Variants in PRPF4 observed in about 807,000 individuals in gnomAD.
PRPF4 encodes pre-mRNA splicing tri-snRNP complex factor PRPF4.
A neutral mutation model predicts 72.2 loss-of-function variants in PRPF4; 14 were observed. The observed-to-expected ratio is 0.19, with a 90% CI of 0.13 to 0.30. The LOEUF (loss-of-function observed/expected upper bound fraction) is 0.30, where lower values mean the gene tolerates loss of function less well. Ranked by LOEUF, PRPF4 falls within the 10% of genes least tolerant of loss-of-function variation. The probability of loss-of-function intolerance (pLI) is 1.00; values close to 1 mark genes in which losing one functional copy is unlikely to be tolerated. For missense variants in PRPF4, 478 were observed against 653.9 expected, an observed-to-expected ratio of 0.73 and a Z score of 2.93; for synonymous variants, 225 against 232.2, an observed-to-expected ratio of 0.97 and a Z score of 0.28.
At chr9:113,285,464 C>T (rs1413421834) in intron 7 of PRPF4, among the ~76,000 whole-genome samples, 3 of 141,790 alleles carry the variant, frequency 2.1e-5, no homozygotes, top group Non-Finnish European at 1.5e-5. Context: ...CTGCAAGCTC[C>T]ACCTCCTGGG....
chr9:113,288,813 T>C (rs1832526767), intron 10 of PRPF4, among the ~76,000 whole-genome samples: 1 of 152,214 alleles, frequency 6.6e-6, no homozygotes, highest in Non-Finnish European at 1.5e-5. Flanking sequence ...TTCACTCTTG[T>C]CCAATGCTAC....
chr9:113,283,327 G>A (rs1381633736), intron 5 of PRPF4, 62 bp from the exon 6 acceptor site: 1 of 1,613,012 alleles, frequency 6.2e-7, no homozygotes, highest in Non-Finnish European at 8.5e-7. Context: ...GTAGAGTAGG[G>A]ATACATGTGG....
chr9:113,283,080 G>GTT (rs1485271733), intron 4 of PRPF4, 52 bp from the exon 5 acceptor site: 35 of 1,612,246 alleles, frequency 2.2e-5, no homozygotes, highest in Non-Finnish European at 2.9e-5. Flanking sequence ...ACAGTTATAA[G>GTT]AGGAGTAGAA....
chr9:113,288,561 C>T (rs1004734939), intron 10 of PRPF4, among the ~76,000 whole-genome samples: 4 of 151,966 alleles, frequency 2.6e-5, no homozygotes, highest in African/African-American at 9.7e-5. Flanking sequence ...CTCGACCTCC[C>T]GAGTAGCTGG....
At chr9:113,278,459 C>T (rs1189141822) in intron 2 of PRPF4, among the ~76,000 whole-genome samples, 1 of 152,206 alleles carries the variant, frequency 6.6e-6, no homozygotes, top group African/African-American at 2.4e-5. Flanking sequence ...GGTTTCAAAA[C>T]TATTGCTAGA....
Position 113,291,771 on chromosome 9 carries a change from C to T in PRPF4, c.*111C>T, listed in dbSNP as rs1437464153. ...ATCATGTTTTCTGCCAATTACCATG[C>T]ATAGACCCTCAGTAGAATTGGATTT... On this transcript the variant is annotated 3_prime_UTR_variant, in exon 14 of 14. Transcript: ENST00000374198. The T allele has an allele frequency of 4.7e-6, 5 of 1,057,240 alleles. No individual in the cohort carries two copies. The highest frequency in any genetic ancestry group is 5.2e-5 in the Admixed American group (2 of 38,662). 65.5% of individuals were successfully genotyped at this position (1,057,240 alleles called of 1,614,324 possible).
rs778147972 is a variant in PRPF4, at chr9:113,283,363, CTGGTGATGG to C, written c.561-23_561-15del. 4 of 1,613,886 alleles carry C rather than the reference CTGGTGATGG, an allele frequency of 2.5e-6. No homozygotes were observed. Among genetic ancestry groups the C allele is most frequent in the Non-Finnish European group, 3.4e-6 (4 of 1,179,886 alleles). On this transcript the variant is annotated splice_polypyrimidine_tract_variant and intron_variant, in intron 5 of 13. Coordinates refer to ENST00000374198, the MANE Select transcript of PRPF4 (RefSeq NM_001244926.2). ...GTCCTTGTTTACAACCCTGTTGCTC[CTGGTGATGG>C]TGTTTCTGTGTCGCAGGGCAATGAA...
At position 113,283,487 on chromosome 9, in the gene PRPF4, G is replaced by C. The variant is rs1832345409; in HGVS notation, c.654+5G>C. The C allele has an allele frequency of 6.2e-7, 1 of 1,613,576 alleles. No homozygotes were observed. Among genetic ancestry groups the C allele is most frequent in the Non-Finnish European group, 8.5e-7 (1 of 1,179,728 alleles). ...GAGCTGCACAAGTCTCTCCGGGTAA[G>C]ATGCTCCCAGCAATTGTCCCACATC... On this transcript the variant is annotated splice_donor_5th_base_variant and intron_variant, in intron 6 of 13. Transcript: ENST00000374198.
Position 113,282,494 on chromosome 9 carries a change from T to C in PRPF4, c.393-152T>C, listed in dbSNP as rs111701300. 3.1e-3 allele frequency: 1,673 copies of C among 541,300 alleles called. 30 individuals are homozygous for C. The highest frequency in any genetic ancestry group is 0.029 in the African/African-American group (1,499 of 51,836). 33.5% of individuals were successfully genotyped at this position (541,300 alleles called of 1,614,324 possible). A position where few individuals can be genotyped will look rare whatever the true frequency, so the allele number is the denominator to read the frequency against. ...CTTAAAAAGAAAAAAAAAAGGTTGC[T>C]AGGTGGTTTGAACAGTGAGAGAATA... On this transcript the variant is annotated intron_variant, in intron 3 of 13. Transcript: ENST00000374198.
rs746141017 is a variant in PRPF4 at position 113,286,304 on chromosome 9, T to A, written c.808+14T>A. The A allele has an allele frequency of 1.4e-5, 23 of 1,600,728 alleles. No individual in the cohort carries two copies. In the East Asian group the frequency reaches 5.1e-4, roughly 36 times the overall value. On this transcript the variant is annotated intron_variant, in intron 8 of 13. Transcript: ENST00000374198. The stretch of plus-strand genomic sequence containing the variant: ...ACACTCTTCGAGGTAAGTTAGAGTC[T>A]TATCCAAATCTCGGTCTTTTTCCCA...
chr9:113,284,467 G>C, intron 7 of PRPF4, 78 bp downstream of exon 7: 3 of 1,223,000 alleles, frequency 2.5e-6, no homozygotes, highest in Non-Finnish European at 3.6e-6. Flanking sequence ...TGCGTTAGAC[G>C]TCTATTTCTA....
At position 113,284,453 on chromosome 9, in the gene PRPF4, C is replaced by T. The variant is rs1832375908; in HGVS notation, c.749+64C>T. ...GGAACAGGCTCAGGAAGAAAATTAG[C>T]ATTTGCGTTAGACGTCTATTTCTAC... On this transcript the variant is annotated intron_variant, in intron 7 of 13. Coordinates refer to ENST00000374198, the MANE Select transcript of PRPF4 (RefSeq NM_001244926.2). 3 of 1,361,802 alleles carry T rather than the reference C, an allele frequency of 2.2e-6. No homozygotes were observed. In the African/African-American group the frequency reaches 4.3e-5, roughly 20 times the overall value. 84.4% of individuals were successfully genotyped at this position (1,361,802 alleles called of 1,614,324 possible).
chr9:113,276,815 A>T, intron 2 of PRPF4, 90 bp downstream of exon 2: 4 of 1,434,338 alleles, frequency 2.8e-6, no homozygotes, highest in Non-Finnish European at 3.8e-6. Context: ...ATGTCAAAAA[A>T]TTACAATTTT....
At chr9:113,281,000 C>G (rs1832264251) in intron 3 of PRPF4, among the ~76,000 whole-genome samples, 1 of 152,132 alleles carries the variant, frequency 6.6e-6, no homozygotes, top group Non-Finnish European at 1.5e-5. Flanking sequence ...GCCACCATGC[C>G]TGGCTAATTT....
At position 113,291,797 on chromosome 9, in the gene PRPF4, C is replaced by G; in HGVS notation, c.*137C>G. 3.4e-6 allele frequency: 3 copies of G among 877,740 alleles called. No homozygotes were observed. Among genetic ancestry groups the G allele is most frequent in the Non-Finnish European group, 5.0e-6 (3 of 595,710 alleles). The allele number at this position is 877,740 out of a possible 1,614,324, so 54.4% of individuals were successfully genotyped here. On this transcript the variant is annotated 3_prime_UTR_variant, in exon 14 of 14. Transcript: ENST00000374198. Reference sequence around the variant, plus strand: ...ATAGACCCTCAGTAGAATTGGATTTCCATGTCAGCCCCCACTCCAGGAAGG... The same window carrying G: ...ATAGACCCTCAGTAGAATTGGATTTGCATGTCAGCCCCCACTCCAGGAAGG...
At position 113,282,634 on chromosome 9, in the gene PRPF4, T is replaced by G. The variant is rs770555588; in HGVS notation, c.393-12T>G. The G allele has an allele frequency of 1.2e-5, 19 of 1,559,712 alleles. 1 individual carries two copies. In the South Asian group the frequency reaches 2.1e-4, roughly 17 times the overall value. ...ATGTTTAAATTCTGATCTTTTTTTTTTTTTTTAACAGGTTAAGAAATATCC... is the reference window on the plus strand; with the variant it reads ...ATGTTTAAATTCTGATCTTTTTTTTGTTTTTTAACAGGTTAAGAAATATCC... On this transcript the variant is annotated splice_polypyrimidine_tract_variant and intron_variant, in intron 3 of 13. Transcript: ENST00000374198.
chr9:113,288,106 C>A (rs770656924), intron 9 of PRPF4, 69 bp from the exon 10 acceptor site: 332 of 1,456,790 alleles, frequency 2.3e-4, no homozygotes, highest in Non-Finnish European at 1.5e-4. Flanking sequence ...TATGTCTGCA[C>A]AGAAGGTAAG....
At chr9:113,291,138 TA>T in intron 13 of PRPF4, 122 bp downstream of exon 13, 1 of 1,011,226 alleles carries the variant, frequency 9.9e-7, no homozygotes, top group Non-Finnish European at 1.5e-6. Context: ...GACCTACTGG[TA>T]AAGGAGCAAA....
At chr9:113,283,532 A>T (rs1832346723) in intron 6 of PRPF4, 50 bp downstream of exon 6, 1 of 1,598,678 alleles carries the variant, frequency 6.3e-7, no homozygotes, top group African/African-American at 1.3e-5. Flanking sequence ...CTTCATGTTT[A>T]TTTGATTTTT....
Sources: gnomAD v4.1 joint callset for allele counts (sites outside exome capture counted in the v4.1 genomes callset) on GRCh38, gnomAD v4.1.1 for gene constraint, MANE v1.5 for transcripts, NCBI Gene and HGNC (gene_info 2026-07-23, HGNC 2026-07-21) for gene names.